The following FOXN3 variants were observed in gnomAD, a reference collection of about 807,000 sequenced individuals.
FOXN3 encodes forkhead box N3, also known as forkhead box protein N3.
A neutral mutation model predicts 38.4 loss-of-function variants in FOXN3; 7 were observed. That is an observed-to-expected ratio of 0.18 (90% confidence interval 0.10 to 0.34). The LOEUF (loss-of-function observed/expected upper bound fraction) is 0.34. Among genes scored for constraint, FOXN3 ranks in the 10% least tolerant of loss-of-function variants. FOXN3 has a pLI of 1.00. For synonymous variants in FOXN3, 230 were observed against 242.2 expected, an observed-to-expected ratio of 0.95 and a Z score of 0.47; for missense variants, 456 against 613.4, an observed-to-expected ratio of 0.74 and a Z score of 2.71.
At chr14:89,452,952 A>G (rs1009441509) in intron 1 of FOXN3, among the ~76,000 whole-genome samples, 6 of 152,210 alleles carry the variant, frequency 3.9e-5, no homozygotes, top group African/African-American at 1.4e-4. Context: ...TAATCCCAGC[A>G]CTTTGGAAGG....
At chr14:89,550,730 C>G (rs61017105) in intron 1 of FOXN3, among the ~76,000 whole-genome samples, 2 of 152,138 alleles carry the variant, frequency 1.3e-5, no homozygotes, top group Non-Finnish European at 2.9e-5. Context: ...CCTGAGTCCT[C>G]GGGCGACTGC....
intron 1 of FOXN3, among the ~76,000 whole-genome samples, chr14:89,568,979 C>T (rs988952599): frequency 9.9e-5 from 15 of 152,252 alleles, no homozygotes; most frequent in East Asian, 9.7e-4. Flanking sequence ...CCAAGGCGGG[C>T]AGATCACGAG....
chr14:89,184,915 C>T (rs911662395), intron 4 of FOXN3, among the ~76,000 whole-genome samples: 5 of 152,216 alleles, frequency 3.3e-5, no homozygotes, highest in African/African-American at 1.2e-4. Context: ...ACTTTCAGCC[C>T]ATTATGCTTT....
intron 1 of FOXN3, among the ~76,000 whole-genome samples, chr14:89,523,825 C>G (rs953641427): frequency 1.3e-5 from 2 of 151,866 alleles, no homozygotes; most frequent in Non-Finnish European, 2.9e-5. Context: ...TGCAATGGTG[C>G]AATCTCAGCT....
intron 2 of FOXN3, among the ~76,000 whole-genome samples, chr14:89,406,241 G>A (rs1424096700): frequency 2.6e-5 from 4 of 151,556 alleles, no homozygotes; most frequent in South Asian, 4.2e-4. Flanking sequence ...GCCACAGTGC[G>A]CAGCCCTACA....
chr14:89,325,303 A>C, intron 3 of FOXN3, among the ~76,000 whole-genome samples: 1 of 132,978 alleles, frequency 7.5e-6, no homozygotes, highest in Non-Finnish European at 1.6e-5. Flanking sequence ...CAACACCAAC[A>C]CCACCACCAC....
At chr14:89,254,175 G>C (rs1204826266) in intron 4 of FOXN3, among the ~76,000 whole-genome samples, 1 of 152,148 alleles carries the variant, frequency 6.6e-6, no homozygotes. Flanking sequence ...TTCCTCACAC[G>C]TTTCTGTAGG....
upstream of FOXN3, chr14:89,417,264 G>C (rs1285756616): frequency 1.4e-5 from 2 of 147,698 alleles, no homozygotes; most frequent in Non-Finnish European, 3.0e-5. Context: ...AGCGCGGGGA[G>C]GGAGGAGGGC....
chr14:89,485,520 G>A (rs1006930151), intron 1 of FOXN3, among the ~76,000 whole-genome samples: 5 of 152,200 alleles, frequency 3.3e-5, no homozygotes, highest in African/African-American at 9.7e-5. Flanking sequence ...GCTCAGAGGG[G>A]AGGATGGCAG....
In FOXN3 at chr14:89,162,293, A is replaced by G. The variant is rs1887123817; in HGVS notation, c.*121T>C. 2.4e-6 allele frequency: 2 copies of G among 825,798 alleles called. No homozygotes were observed. The highest frequency in any genetic ancestry group is 3.6e-6 in the Non-Finnish European group (2 of 556,644). 51.2% of individuals were successfully genotyped at this position (825,798 alleles called of 1,614,324 possible). On this transcript the variant is annotated 3_prime_UTR_variant, in exon 6 of 6. Coordinates refer to ENST00000557258, the MANE Select transcript of FOXN3 (RefSeq NM_005197.4). The surrounding 1 kb of genome is among the most constrained non-coding windows in gnomAD (Gnocchi z 7.2). ...AAATAAAAGGAAAAGAAAAGAAAGA[A>G]AACCAAACCAAAAACAAGAAAAAAG...
intron 4 of FOXN3, among the ~76,000 whole-genome samples, chr14:89,186,884 G>A (rs1887822593): frequency 6.6e-6 from 1 of 152,182 alleles, no homozygotes; most frequent in African/African-American, 2.4e-5. Flanking sequence ...ATGGTGTGCT[G>A]GGCTCCCTTG....
At chr14:89,440,064 T>G (rs1331559836) in intron 1 of FOXN3, among the ~76,000 whole-genome samples, 1 of 152,118 alleles carries the variant, frequency 6.6e-6, no homozygotes, top group African/African-American at 2.4e-5. Context: ...TGGGACCCCT[T>G]TCCTGTAACG....
chr14:89,507,816 T>C (rs909279712), intron 1 of FOXN3, among the ~76,000 whole-genome samples: 2 of 151,524 alleles, frequency 1.3e-5, no homozygotes, highest in Non-Finnish European at 2.9e-5. Context: ...CACTAGTATG[T>C]AGTGACGTAA....
intron 3 of FOXN3, among the ~76,000 whole-genome samples, chr14:89,324,939 C>T (rs918090442): frequency 1.3e-5 from 2 of 152,188 alleles, no homozygotes; most frequent in Non-Finnish European, 2.9e-5. Flanking sequence ...GAAACGCACA[C>T]GTTGCACATC....
chr14:89,204,102 C>CACAA (rs958099269), intron 4 of FOXN3, among the ~76,000 whole-genome samples: 4 of 135,592 alleles, frequency 3.0e-5, no homozygotes, highest in African/African-American at 1.2e-4. Context: ...CACACACACA[C>CACAA]AACTACTACT....
At chr14:89,590,377 T>C (rs1465769874) in intron 1 of FOXN3, among the ~76,000 whole-genome samples, 1 of 152,008 alleles carries the variant, frequency 6.6e-6, no homozygotes, top group Non-Finnish European at 1.5e-5. Flanking sequence ...ACTGAGGGTA[T>C]ATGGAAGAGT....
chr14:89,562,770 T>TCCTCATGATA (rs1895275774), intron 1 of FOXN3, among the ~76,000 whole-genome samples: 2 of 152,204 alleles, frequency 1.3e-5, no homozygotes, highest in Admixed American at 6.5e-5. Context: ...CCAGGTTACA[T>TCCTCATGATA]CCTCATGAGG....
At chr14:89,216,004 G>A (rs1884268922) in intron 4 of FOXN3, among the ~76,000 whole-genome samples, 3 of 152,196 alleles carry the variant, frequency 2.0e-5, no homozygotes, top group African/African-American at 2.4e-5. Flanking sequence ...CTAGAGGAAT[G>A]CCTACCTTTT....
At chr14:89,232,852 T>C (rs544921753) in intron 4 of FOXN3, among the ~76,000 whole-genome samples, 11 of 152,340 alleles carry the variant, frequency 7.2e-5, no homozygotes, top group African/African-American at 2.2e-4. Context: ...AAGCCACTTC[T>C]GCCATTTCAA....
Sources: gnomAD v4.1 joint callset for allele counts (sites outside exome capture counted in the v4.1 genomes callset) on GRCh38, gnomAD v4.1.1 for gene constraint, Gnocchi (gnomAD v3.1) non-coding constraint, MANE v1.5 for transcripts, NCBI Gene and HGNC (gene_info 2026-07-23, HGNC 2026-07-21) for gene names.